SGCZ: variants seen among roughly 807,000 people sequenced by gnomAD.
The protein encoded by SGCZ is zeta-sarcoglycan.
A neutral mutation model predicts 41.3 loss-of-function variants in SGCZ; 40 were observed. The ratio of observed to expected loss-of-function variants is 0.97; its 90% CI spans 0.75 to 1.26. The LOEUF (loss-of-function observed/expected upper bound fraction) is 1.26, where lower values mean the gene tolerates loss of function less well. SGCZ is among the 50% of genes most tolerant of loss of function. SGCZ has a pLI of 0.00. For synonymous variants in SGCZ, 206 were observed against 137.5 expected, an observed-to-expected ratio of 1.50 and a Z score of -3.49; for missense variants, 552 against 369.8, an observed-to-expected ratio of 1.49 and a Z score of -4.04.
At chr8:14,868,253 G>A (rs969865891) in intron 1 of SGCZ, among the ~76,000 whole-genome samples, 2 of 152,116 alleles carry the variant, frequency 1.3e-5, no homozygotes, top group African/African-American at 2.4e-5. Context: ...GCAACTCGGT[G>A]ACCTCCCTCC....
At chr8:15,185,574 T>C (rs1371596598) in intron 1 of SGCZ, among the ~76,000 whole-genome samples, 1 of 152,170 alleles carries the variant, frequency 6.6e-6, no homozygotes, top group African/African-American at 2.4e-5. Context: ...ATGCATGACT[T>C]CTTCAAGAAG....
chr8:14,695,623 T>G (rs144493719), intron 1 of SGCZ, among the ~76,000 whole-genome samples: 2 of 152,082 alleles, frequency 1.3e-5, no homozygotes, highest in East Asian at 3.9e-4. Context: ...TTGATTATAG[T>G]TAAAAGCTAA....
chr8:15,069,814 A>T (rs547542460), intron 1 of SGCZ, among the ~76,000 whole-genome samples: 8 of 152,268 alleles, frequency 5.3e-5, no homozygotes, highest in African/African-American at 1.9e-4. Context: ...AATGCAATAC[A>T]TCTTTGACTT....
intron 1 of SGCZ, among the ~76,000 whole-genome samples, chr8:15,115,824 C>T (rs1402542653): frequency 1.3e-5 from 2 of 152,192 alleles, no homozygotes; most frequent in African/African-American, 2.4e-5. Flanking sequence ...ACTTTTTCTG[C>T]TGTAAAGCAG....
At chr8:14,946,867 G>A (rs1356605444) in intron 1 of SGCZ, among the ~76,000 whole-genome samples, 1 of 151,748 alleles carries the variant, frequency 6.6e-6, no homozygotes, top group Non-Finnish European at 1.5e-5. Context: ...GTAGAGACGG[G>A]GTTTCACCAT....
In SGCZ at chr8:14,636,716, A is replaced by G. The variant is rs1806840112; in HGVS notation, c.40-81790T>C. ...TATATAGAAAGGTAATATGAGTATCACAAGTATATGGGAAGTAACTTAAAC... is the reference window on the plus strand; with the variant it reads ...TATATAGAAAGGTAATATGAGTATCGCAAGTATATGGGAAGTAACTTAAAC... On this transcript the variant is annotated intron_variant, in intron 1 of 7. Transcript: ENST00000382080. Among the ~76,000 whole-genome samples, 3 of 151,886 alleles carry G rather than the reference A, an allele frequency of 2.0e-5. No individual in the cohort carries two copies. The Admixed American group carries it at 2.0e-4, about 10-fold the overall frequency.
At chr8:14,851,137 A>G (rs1803304881) in intron 1 of SGCZ, among the ~76,000 whole-genome samples, 1 of 152,150 alleles carries the variant, frequency 6.6e-6, no homozygotes, top group Non-Finnish European at 1.5e-5. Context: ...TGGGAGGCCA[A>G]GGCGGGCGGA....
intron 1 of SGCZ, 152 bp from the exon 2 acceptor site, chr8:14,555,078 T>C (rs564719819): frequency 1.5e-6 from 1 of 686,658 alleles, no homozygotes; most frequent in South Asian, 2.6e-5. Context: ...AATTAAAATG[T>C]TATAGAAAAC....
Position 14,089,467 on chromosome 8 carries a change from T to G in SGCZ, c.*976A>C, listed in dbSNP as rs1277603794. On this transcript the variant is annotated 3_prime_UTR_variant, in exon 8 of 8. Coordinates refer to ENST00000382080, the MANE Select transcript of SGCZ (RefSeq NM_139167.4). ...TCAGCATTATGCATCATATTAGTAT[T>G]ATTTATTTAGAAGATGTTTGAATTT... Among the ~76,000 whole-genome samples the G allele has an allele frequency of 1.3e-5, 2 of 152,100 alleles. No individual in the cohort carries two copies. Among genetic ancestry groups the G allele is most frequent in the African/African-American group, 2.4e-5 (1 of 41,540 alleles).
intron 1 of SGCZ, among the ~76,000 whole-genome samples, chr8:14,620,349 T>G (rs906439797): frequency 3.0e-4 from 46 of 152,174 alleles, no homozygotes; most frequent in Non-Finnish European, 5.6e-4. Context: ...GAAGAAAACC[T>G]AGGCAATACC....
intron 2 of SGCZ, among the ~76,000 whole-genome samples, chr8:14,411,780 C>T (rs1419631926): frequency 6.6e-6 from 1 of 152,052 alleles, no homozygotes; most frequent in South Asian, 2.1e-4. Flanking sequence ...CAATAAAACT[C>T]ACTGACATGT....
At chr8:14,623,072 C>G (rs1806336455) in intron 1 of SGCZ, among the ~76,000 whole-genome samples, 1 of 152,136 alleles carries the variant, frequency 6.6e-6, no homozygotes, top group South Asian at 2.1e-4. Context: ...CAAGCACCAC[C>G]CTCATGGGTC....
intron 2 of SGCZ, among the ~76,000 whole-genome samples, chr8:14,508,048 G>A (rs1324663804): frequency 6.6e-6 from 1 of 152,104 alleles, no homozygotes; most frequent in Non-Finnish European, 1.5e-5. Flanking sequence ...TAGGATTACC[G>A]GCGTGAGTCA....
chr8:14,139,241 G>C (rs1803293612), intron 5 of SGCZ, among the ~76,000 whole-genome samples: 1 of 152,100 alleles, frequency 6.6e-6, no homozygotes, highest in Non-Finnish European at 1.5e-5. Flanking sequence ...AGAGAAAGCA[G>C]GAAAGATCTA....
chr8:15,072,081 T>C (rs1025911164), intron 1 of SGCZ, among the ~76,000 whole-genome samples: 3 of 152,118 alleles, frequency 2.0e-5, no homozygotes, highest in Admixed American at 6.6e-5. Context: ...TCAAAGTCTG[T>C]TCCTCCTTCC....
chr8:14,794,026 G>T (rs1278582288), intron 1 of SGCZ, among the ~76,000 whole-genome samples: 1 of 152,134 alleles, frequency 6.6e-6, no homozygotes, highest in African/African-American at 2.4e-5. Flanking sequence ...AGAATATGAT[G>T]TCCTAATAAA....
intron 3 of SGCZ, among the ~76,000 whole-genome samples, chr8:14,292,530 T>C (rs756618921): frequency 2.0e-5 from 3 of 152,094 alleles, no homozygotes; most frequent in Non-Finnish European, 4.4e-5. Context: ...AGATAGGGAA[T>C]GAAGAGACAT....
intron 1 of SGCZ, among the ~76,000 whole-genome samples, chr8:14,933,013 C>T (rs981786224): frequency 2.6e-5 from 4 of 151,784 alleles, no homozygotes; most frequent in African/African-American, 9.7e-5. Flanking sequence ...TACTCATAGG[C>T]ACAGAGATGG....
At chr8:15,102,732 A>C (rs1480809828) in intron 1 of SGCZ, among the ~76,000 whole-genome samples, 3 of 152,194 alleles carry the variant, frequency 2.0e-5, no homozygotes, top group Non-Finnish European at 4.4e-5. Flanking sequence ...TATTGGTAAA[A>C]GGCACCAATT....
Sources: allele counts gnomAD v4.1 joint callset (sites outside exome capture counted in the v4.1 genomes callset), GRCh38; gene constraint gnomAD v4.1.1; transcripts MANE v1.5; gene names NCBI Gene and HGNC (gene_info 2026-07-23, HGNC 2026-07-21).